Variants in CDK17 observed in about 807,000 individuals in gnomAD.
CDK17 encodes cyclin dependent kinase 17.
CDK17 carries 24 observed loss-of-function variants against 77.6 expected under a neutral mutation model. That is an observed-to-expected ratio of 0.31 (90% CI 0.22 to 0.44). The LOEUF (loss-of-function observed/expected upper bound fraction) is 0.44. CDK17 is among the 20% of genes least tolerant of loss of function. CDK17 has a pLI of 1.00. For synonymous variants in CDK17, 203 were observed against 210.4 expected, an observed-to-expected ratio of 0.96 and a Z score of 0.30; for missense variants, 429 against 622.5, an observed-to-expected ratio of 0.69 and a Z score of 3.31.
chr12:96,311,316 A>G (rs1952643286), intron 4 of CDK17, 139 bp from the exon 5 acceptor site: 2 of 612,920 alleles, frequency 3.3e-6, no homozygotes, highest in South Asian at 3.0e-5. Context: ...TACATTGATT[A>G]TATGTAATAT....
At chr12:96,293,238 TA>T (rs1295926425) in intron 10 of CDK17, among the ~76,000 whole-genome samples, 1 of 152,144 alleles carries the variant, frequency 6.6e-6, no homozygotes, top group East Asian at 1.9e-4. Context: ...GGGGTCTTGC[TA>T]TGTTGCCCAG....
chr12:96,281,231 T>C (rs987308531), intron 15 of CDK17, among the ~76,000 whole-genome samples: 1 of 152,240 alleles, frequency 6.6e-6, no homozygotes, highest in African/African-American at 2.4e-5. Flanking sequence ...CTCTCTGTCC[T>C]TTCTCTGTCT....
intron 2 of CDK17, among the ~76,000 whole-genome samples, chr12:96,329,838 T>C (rs999042962): frequency 6.6e-6 from 1 of 152,208 alleles, no homozygotes; most frequent in Admixed American, 6.5e-5. Flanking sequence ...CTGGAATTTG[T>C]TGACTCCAAA....
Position 96,377,843 on chromosome 12 carries a change from G to A in CDK17, c.-30+22143C>T, listed in dbSNP as rs191210967. ...CAAGTAGCTGAGACTACAGGCGCCC[G>A]CCACTACGCCCAGCTAATTTTTTGT... is the stretch of plus-strand genomic sequence containing the variant. On this transcript the variant is annotated intron_variant, in intron 1 of 16. Coordinates refer to ENST00000261211, the MANE Select transcript of CDK17 (RefSeq NM_002595.5). Among the ~76,000 whole-genome samples the A allele has an allele frequency of 1.3e-3, 195 of 151,988 alleles. 1 individual carries two copies. Among genetic ancestry groups the A allele is most frequent in the East Asian group, 3.9e-3 (20 of 5,166 alleles).
At chr12:96,389,652 A>C (rs1179386349) in intron 1 of CDK17, among the ~76,000 whole-genome samples, 1 of 152,198 alleles carries the variant, frequency 6.6e-6, no homozygotes, top group African/African-American at 2.4e-5. Context: ...GTGTTTTAAG[A>C]AGACTGTGTA....
chr12:96,348,025 A>G (rs1176397196), intron 1 of CDK17, among the ~76,000 whole-genome samples: 1 of 152,188 alleles, frequency 6.6e-6, no homozygotes, highest in Non-Finnish European at 1.5e-5. Flanking sequence ...CAACATACAT[A>G]AGCATATGAG....
intron 2 of CDK17, among the ~76,000 whole-genome samples, chr12:96,331,322 T>G (rs1952963408): frequency 6.6e-6 from 1 of 152,218 alleles, no homozygotes; most frequent in Non-Finnish European, 1.5e-5. Flanking sequence ...TCAAAATTCT[T>G]TTTCTTCCAG....
At chr12:96,326,442 T>A (rs1952892585) in intron 2 of CDK17, among the ~76,000 whole-genome samples, 1 of 152,240 alleles carries the variant, frequency 6.6e-6, no homozygotes, top group Non-Finnish European at 1.5e-5. Flanking sequence ...TGCTGAGATA[T>A]TTTTAACAGA....
intron 1 of CDK17, among the ~76,000 whole-genome samples, chr12:96,390,135 G>C (rs1459323828): frequency 6.2e-5 from 9 of 146,086 alleles, no homozygotes; most frequent in African/African-American, 2.3e-4. Flanking sequence ...GCTGAAAAGA[G>C]GTATAATTTA....
At chr12:96,384,585 G>A (rs1953940572) in intron 1 of CDK17, among the ~76,000 whole-genome samples, 1 of 152,190 alleles carries the variant, frequency 6.6e-6, no homozygotes, top group South Asian at 2.1e-4. Flanking sequence ...CATAAAAAAA[G>A]AATGAGACCT....
At chr12:96,365,608 C>T (rs1389934737) in intron 1 of CDK17, among the ~76,000 whole-genome samples, 1 of 152,210 alleles carries the variant, frequency 6.6e-6, no homozygotes, top group African/African-American at 2.4e-5. Flanking sequence ...AAAAGAAAAA[C>T]TACACCTAAA....
chr12:96,377,575 A>G (rs1953799838), intron 1 of CDK17, among the ~76,000 whole-genome samples: 1 of 152,216 alleles, frequency 6.6e-6, no homozygotes, highest in South Asian at 2.1e-4. Context: ...CAAAACTCAA[A>G]AAGTCTGACA....
At chr12:96,294,229 A>C (rs1734493659) in intron 10 of CDK17, among the ~76,000 whole-genome samples, 2 of 152,234 alleles carry the variant, frequency 1.3e-5, no homozygotes, top group Admixed American at 1.3e-4. Flanking sequence ...AATATAATTA[A>C]TAAATTTTAT....
At chr12:96,286,237 C>G in intron 12 of CDK17, 89 bp from the exon 13 acceptor site, 1 of 299,220 alleles carries the variant, frequency 3.3e-6, no homozygotes, top group Non-Finnish European at 5.8e-6. Flanking sequence ...AACAAAGTGT[C>G]TTAGAGAATA....
intron 4 of CDK17, 36 bp downstream of exon 4, chr12:96,313,285 T>A (rs201812662): frequency 6.6e-7 from 1 of 1,526,188 alleles, no homozygotes; most frequent in East Asian, 2.5e-5. Context: ...CCAACACACA[T>A]ATTCACAAGT....
At position 96,348,536 on chromosome 12, in the gene CDK17, A is replaced by AC. The variant is rs1283628161; in HGVS notation, c.-29-13672_-29-13671insG. Reference sequence around the variant, plus strand: ...GAGACTCTGTCTCAAAAAAAAAAAAAAAAAAACAAAAAAGAAAAAAAAAAT... The same window carrying AC: ...GAGACTCTGTCTCAAAAAAAAAAAAACAAAAAACAAAAAAGAAAAAAAAAAT... On this transcript the variant is annotated intron_variant, in intron 1 of 16. Transcript: ENST00000261211. 1.1e-4 allele frequency among the ~76,000 whole-genome samples: 17 copies of AC among 151,250 alleles called. No homozygotes were observed. The East Asian group carries it at 2.7e-3, about 24-fold the overall frequency.
In CDK17 at chr12:96,336,756, A is replaced by T. The variant is rs73366539; in HGVS notation, c.-29-1891T>A. ...AGTTAAACCCATCTGTTGTGCTCTT[A>T]GTTTTAGTTACTATATTTTTCAGCT... On this transcript the variant is annotated intron_variant, in intron 1 of 16. Transcript: ENST00000261211. Among the ~76,000 whole-genome samples the T allele has an allele frequency of 9.7e-3, 1,475 of 152,260 alleles. 29 individuals are homozygous for T. The highest frequency in any genetic ancestry group is 0.033 in the African/African-American group (1,380 of 41,552).
At chr12:96,281,121 T>G (rs1299113404) in intron 15 of CDK17, among the ~76,000 whole-genome samples, 1 of 152,174 alleles carries the variant, frequency 6.6e-6, no homozygotes, top group Non-Finnish European at 1.5e-5. Context: ...GAGCAGGCTG[T>G]GGGCAAGTGT....
At chr12:96,394,037 G>C (rs1467572297) in intron 1 of CDK17, among the ~76,000 whole-genome samples, 1 of 151,926 alleles carries the variant, frequency 6.6e-6, no homozygotes, top group Non-Finnish European at 1.5e-5. Context: ...CATGAGGTCA[G>C]GAGCTCAAGA....
Sources: allele counts gnomAD v4.1 joint callset (sites outside exome capture counted in the v4.1 genomes callset), GRCh38; gene constraint gnomAD v4.1.1; transcripts MANE v1.5; gene names NCBI Gene and HGNC (gene_info 2026-07-23, HGNC 2026-07-21).